Variants in FOXK2 observed in about 807,000 individuals in gnomAD.
FOXK2 encodes the protein forkhead box K2.
In FOXK2, 24 loss-of-function variants were observed where a neutral mutation model predicts 53.3. That is an observed-to-expected ratio of 0.45 (90% CI 0.33 to 0.63). The LOEUF is 0.63. Ranked by LOEUF, FOXK2 falls within the 30% of genes least tolerant of loss-of-function variation. The pLI is 0.03. For missense variants in FOXK2, 952 were observed against 910.5 expected, an observed-to-expected ratio of 1.05 and a Z score of -0.59; for synonymous variants, 505 against 407.1, an observed-to-expected ratio of 1.24 and a Z score of -2.89.
intron 1 of FOXK2, among the ~76,000 whole-genome samples, chr17:82,527,497 C>T (rs1448501397): frequency 2.0e-5 from 3 of 151,976 alleles, no homozygotes; most frequent in Non-Finnish European, 2.9e-5. Flanking sequence ...GGCATGGTGG[C>T]GGATGCCTGT....
At chr17:82,566,794 G>GGGTCCCC (rs1217068728) in intron 2 of FOXK2, among the ~76,000 whole-genome samples, 1 of 152,130 alleles carries the variant, frequency 6.6e-6, no homozygotes, top group Non-Finnish European at 1.5e-5. Flanking sequence ...ACCTTTGTCA[G>GGGTCCCC]GGGGAACCCA....
chr17:82,554,693 T>C (rs2044706442), intron 1 of FOXK2, among the ~76,000 whole-genome samples: 1 of 152,086 alleles, frequency 6.6e-6, no homozygotes, highest in African/African-American at 2.4e-5. Flanking sequence ...AACAGATTCC[T>C]AGTCTATACT....
intron 1 of FOXK2, among the ~76,000 whole-genome samples, chr17:82,524,588 A>G (rs2044398855): frequency 6.6e-6 from 1 of 152,164 alleles, no homozygotes; most frequent in African/African-American, 2.4e-5. Context: ...CAGTGTGTAC[A>G]AAGATTGTCA....
intron 1 of FOXK2, among the ~76,000 whole-genome samples, chr17:82,555,655 C>CG (rs2044716296): frequency 6.7e-6 from 1 of 148,268 alleles, no homozygotes; most frequent in East Asian, 2.0e-4. Context: ...GAGGCTGAGG[C>CG]GGGCGGATCA....
chr17:82,590,415 C>A (rs916736774), intron 8 of FOXK2, among the ~76,000 whole-genome samples: 2 of 152,148 alleles, frequency 1.3e-5, no homozygotes, highest in Non-Finnish European at 1.5e-5. Flanking sequence ...CTCGGCCTCC[C>A]AACGTGCTGA....
At chr17:82,585,143 C>A (rs2045118565) in intron 6 of FOXK2, 1 of 152,350 alleles carries the variant, frequency 6.6e-6, no homozygotes, top group South Asian at 2.1e-4. Flanking sequence ...CCGTGTCTCT[C>A]TCTCTGCTCT....
At chr17:82,564,322 C>G (rs72862318) in intron 2 of FOXK2, among the ~76,000 whole-genome samples, 6,327 of 152,098 alleles carry the variant, frequency 0.042, 174 homozygotes, top group Non-Finnish European at 0.062. Flanking sequence ...CTCCTGACCT[C>G]GTCATCCACC....
intron 8 of FOXK2, among the ~76,000 whole-genome samples, chr17:82,598,257 T>TA (rs1453996835): frequency 6.6e-6 from 1 of 152,108 alleles, no homozygotes; most frequent in Non-Finnish European, 1.5e-5. Flanking sequence ...TATGTCCTTT[T>TA]AAAAATTATT....
At chr17:82,581,932 T>C (rs926677067) in intron 4 of FOXK2, among the ~76,000 whole-genome samples, 4 of 152,172 alleles carry the variant, frequency 2.6e-5, no homozygotes, top group African/African-American at 7.2e-5. Flanking sequence ...CCTGTGTACG[T>C]TACGAAATTA....
Position 82,520,042 on chromosome 17 carries a change from C to T in FOXK2, c.154C>T (p.Arg52Cys), listed in dbSNP as rs146516291. Reference protein sequence around the residue: ...GREFEYLMKKRSVTIGRNSSQ... With the variant: ...GREFEYLMKKCSVTIGRNSSQ... ...CGAGTTCGAGTATCTGATGAAGAAG[C>T]GCTCGGTGACCATCGGCCGCAACTC... Residue 52 changes from arginine to cysteine, a missense_variant, in exon 1 of 9, where the codon CGC (arginine) becomes TGC (cysteine). By Grantham distance (180) the Arg-to-Cys change is radical (BLOSUM62 -3). Around this residue, in one of 5 missense-constraint regions of FOXK2, gnomAD observed 163 missense variants for 165.5 expected, o/e 0.98. Transcript: ENST00000335255. 6,995 of 1,519,506 alleles carry T rather than the reference C, an allele frequency of 4.6e-3. 23 individuals carry two copies. The highest frequency in any genetic ancestry group is 5.3e-3 in the Non-Finnish European group (6,045 of 1,134,558). The allele number at this position is 1,519,506 out of a possible 1,614,324, so 94.1% of individuals were successfully genotyped here.
intron 1 of FOXK2, among the ~76,000 whole-genome samples, chr17:82,538,099 T>C (rs573849056): frequency 5.3e-5 from 8 of 151,896 alleles, no homozygotes; most frequent in Non-Finnish European, 1.2e-4. Flanking sequence ...GGTCGGTGCC[T>C]GTAATCCCAG....
intron 8 of FOXK2, among the ~76,000 whole-genome samples, chr17:82,598,623 A>G (rs2045344151): frequency 6.6e-6 from 1 of 151,926 alleles, no homozygotes; most frequent in Non-Finnish European, 1.5e-5. Context: ...GAATGAACTC[A>G]CTCCTGGAAT....
chr17:82,521,218 G>T (rs999852550), intron 1 of FOXK2, among the ~76,000 whole-genome samples: 1 of 152,136 alleles, frequency 6.6e-6, no homozygotes, highest in Non-Finnish European at 1.5e-5. Flanking sequence ...TGTCGCTCAG[G>T]CTGGAGTGTA....
chr17:82,544,895 C>T (rs949555227), intron 1 of FOXK2, among the ~76,000 whole-genome samples: 8 of 151,970 alleles, frequency 5.3e-5, no homozygotes, highest in Admixed American at 5.2e-4. Flanking sequence ...GTGCTGCCCA[C>T]CCAGGTCCCG....
At chr17:82,571,977 G>A (rs1195093818) in intron 4 of FOXK2, 107 bp downstream of exon 4, 13 of 1,140,580 alleles carry the variant, frequency 1.1e-5, no homozygotes, top group Admixed American at 3.4e-5. Context: ...TAGAAGGGGG[G>A]GTTGGAGCCT....
intron 1 of FOXK2, among the ~76,000 whole-genome samples, chr17:82,534,983 G>A (rs1185559580): frequency 6.6e-6 from 1 of 152,252 alleles, no homozygotes; most frequent in Admixed American, 6.5e-5. Flanking sequence ...AGGTTTAAGC[G>A]ATTCTCCTGC....
intron 8 of FOXK2, 175 bp downstream of exon 8, chr17:82,587,447 G>A (rs111526729): frequency 3.7e-4 from 232 of 632,776 alleles, no homozygotes; most frequent in Middle Eastern, 2.6e-3. Flanking sequence ...GGAGTCGGCC[G>A]TCATGGGATT....
At chr17:82,530,638 G>A (rs2044465073) in intron 1 of FOXK2, among the ~76,000 whole-genome samples, 1 of 151,296 alleles carries the variant, frequency 6.6e-6, no homozygotes. Flanking sequence ...AGTCTCCCGA[G>A]TAGCTGGGAT....
Position 82,601,739 on chromosome 17 carries a change from G to C in FOXK2, c.*240G>C. 4.5e-6 allele frequency: 2 copies of C among 441,942 alleles called. No homozygotes were observed. The highest frequency in any genetic ancestry group is 8.2e-6 in the Non-Finnish European group (2 of 243,514). 27.4% of individuals were successfully genotyped at this position (441,942 alleles called of 1,614,324 possible). On this transcript the variant is annotated 3_prime_UTR_variant, in exon 9 of 9. Transcript: ENST00000335255. The stretch of plus-strand genomic sequence containing the variant: ...CTCCACTGAGCACCTGCTGGGCTGA[G>C]CTTCTACCTACGAGTGAAACTCTGT...
Sources: allele counts gnomAD v4.1 joint callset (sites outside exome capture counted in the v4.1 genomes callset), GRCh38; gene constraint gnomAD v4.1.1; regional missense constraint gnomAD v4.1.1; transcripts MANE v1.5; gene names NCBI Gene and HGNC (gene_info 2026-07-23, HGNC 2026-07-21).